Variants in GRM5 observed in about 807,000 individuals in gnomAD.
GRM5 encodes metabotropic glutamate receptor 5.
A neutral mutation model predicts 83.1 loss-of-function variants in GRM5; 19 were observed. The ratio of observed to expected loss-of-function variants is 0.23; its 90% confidence interval spans 0.16 to 0.34. GRM5 has a LOEUF of 0.34. Among genes scored for constraint, GRM5 ranks in the 10% least tolerant of loss-of-function variants. The pLI is 1.00. For missense variants in GRM5, 1,160 were observed against 1,588.3 expected (o/e 0.73, Z 4.58); for synonymous variants, 675 against 633.6 (o/e 1.07, Z -0.98).
intron 9 of GRM5, chr11:88,523,873 A>C (rs903514764): frequency 6.6e-6 from 1 of 152,186 alleles, no homozygotes; most frequent in African/African-American, 2.4e-5. Context: ...AGCAAACAAA[A>C]TGTTTGTGGT....
At chr11:88,842,134 T>C (rs937458463) in intron 3 of GRM5, among the ~76,000 whole-genome samples, 2 of 152,176 alleles carry the variant, frequency 1.3e-5, no homozygotes, top group Non-Finnish European at 2.9e-5. Flanking sequence ...TTGGTGTAGA[T>C]TTTATGGTAG....
intron 2 of GRM5, among the ~76,000 whole-genome samples, chr11:88,992,418 G>T (rs1377570528): frequency 3.3e-5 from 5 of 151,972 alleles, no homozygotes; most frequent in Non-Finnish European, 5.9e-5. Flanking sequence ...CACTGTTGGT[G>T]GGACTGTAAA....
At position 88,669,107 on chromosome 11, in the gene GRM5, T is replaced by C. The variant is rs1033296705; in HGVS notation, c.912-15704A>G. ...TACACCCTCATGTTCATTGCAGCAT[T>C]GTTCACAACAATCAAGATGTAGATA... On this transcript the variant is annotated intron_variant, in intron 3 of 9. Coordinates refer to ENST00000305447, the MANE Select transcript of GRM5 (RefSeq NM_001143831.3). Among the ~76,000 whole-genome samples, 4 of 152,270 alleles carry C rather than the reference T, an allele frequency of 2.6e-5. No individual in the cohort carries two copies. The East Asian group carries it at 7.7e-4, about 29-fold the overall frequency.
chr11:88,567,149 A>G lies in GRM5; in HGVS notation c.2534T>C (p.Met845Thr). 6.2e-7 allele frequency: 1 copy of G among 1,614,030 alleles called. No individual in the cohort carries two copies. The highest frequency in any genetic ancestry group is 8.5e-7 in the Non-Finnish European group (1 of 1,179,908). ...SAFTTSTVVR[M>T]HVGDGKSSSA... ...GGATGACTTGCCATCCCCTACATGCATGCGCACCACGGTAGATGTGGTGAA... is the reference window on the plus strand; with the variant it reads ...GGATGACTTGCCATCCCCTACATGCGTGCGCACCACGGTAGATGTGGTGAA... The change falls in exon 8 of 10, where the codon ATG (methionine) becomes ACG (threonine). Residue 845 changes from methionine (M) to threonine (T), a missense_variant. Transcript: ENST00000305447. This position sits in a 1 kb window ranked among gnomAD's most constrained non-coding sequence, Gnocchi z 7.3.
chr11:89,045,429 C>A (rs1470640625), intron 2 of GRM5, among the ~76,000 whole-genome samples: 2 of 152,004 alleles, frequency 1.3e-5, no homozygotes, highest in Admixed American at 1.3e-4. Context: ...GCATAAAAAC[C>A]CCTTTTAGAA....
chr11:88,700,769 C>T (rs1236195407), intron 3 of GRM5, among the ~76,000 whole-genome samples: 1 of 152,128 alleles, frequency 6.6e-6, no homozygotes, highest in Non-Finnish European at 1.5e-5. Context: ...TGGTCCTACA[C>T]ATTTGGCACC....
intron 1 of GRM5, among the ~76,000 whole-genome samples, chr11:89,055,232 A>G (rs1941848551): frequency 6.6e-6 from 1 of 152,226 alleles, no homozygotes; most frequent in Non-Finnish European, 1.5e-5. Context: ...TGGCACAGCC[A>G]TTTATTGGCG....
intron 3 of GRM5, among the ~76,000 whole-genome samples, chr11:88,668,454 A>G (rs1445663102): frequency 6.6e-6 from 1 of 152,118 alleles, no homozygotes; most frequent in African/African-American, 2.4e-5. Flanking sequence ...ACTTCATTTT[A>G]TAAGTCCAGA....
chr11:89,003,655 C>T (rs1446545377), intron 2 of GRM5, among the ~76,000 whole-genome samples: 10 of 151,118 alleles, frequency 6.6e-5, no homozygotes, highest in Admixed American at 6.6e-4. Context: ...TGCTAAGACC[C>T]CGTCTTTGAA....
At chr11:88,932,800 C>T (rs1590975151) in intron 2 of GRM5, among the ~76,000 whole-genome samples, 1 of 151,844 alleles carries the variant, frequency 6.6e-6, no homozygotes, top group East Asian at 1.9e-4. Flanking sequence ...CTAGACAAAA[C>T]AGTGTAACAT....
chr11:88,866,200 A>G (rs1212540085), intron 2 of GRM5, among the ~76,000 whole-genome samples: 1 of 152,110 alleles, frequency 6.6e-6, no homozygotes, highest in African/African-American at 2.4e-5. Flanking sequence ...TGGCACTTAT[A>G]TACCATGGAA....
At chr11:88,586,861 T>C (rs1162730811) in intron 7 of GRM5, among the ~76,000 whole-genome samples, 2 of 152,182 alleles carry the variant, frequency 1.3e-5, no homozygotes, top group Admixed American at 6.5e-5. Flanking sequence ...CAAATCATTT[T>C]ATTCTTCTGT....
intron 1 of GRM5, among the ~76,000 whole-genome samples, chr11:89,056,363 T>C (rs575625748): frequency 6.6e-5 from 10 of 152,314 alleles, no homozygotes; most frequent in African/African-American, 9.6e-5. Flanking sequence ...CCATTTCTCC[T>C]TGTGGTGAGA....
chr11:89,035,925 T>G (rs1301867946), intron 2 of GRM5, among the ~76,000 whole-genome samples: 4 of 152,060 alleles, frequency 2.6e-5, no homozygotes, highest in Non-Finnish European at 4.4e-5. Context: ...TTGTTTCTAA[T>G]AACGAAGTTT....
rs567531388 is a variant in GRM5, at chr11:88,509,114, C to T, written c.3117G>A (p.Val1039=). The change falls in exon 10 of 10, where the codon GTG becomes GTA. Residue 1039 remains valine (V), a synonymous_variant. Transcript: ENST00000305447. ...AGSASRTDDD[V]PSLHSEPVAR... is the part of the protein sequence containing the mutation. The stretch of plus-strand genomic sequence containing the variant: ...CCACAGGCTCCGAGTGCAGCGACGG[C>T]ACATCGTCGTCCGTGCGGCTGGCCG... 1.9e-5 allele frequency: 30 copies of T among 1,545,972 alleles called. No homozygotes were observed. The South Asian group carries it at 2.6e-4, about 14-fold the overall frequency.
intron 2 of GRM5, chr11:89,008,903 G>A (rs1209614478): frequency 7.8e-6 from 4 of 515,524 alleles, no homozygotes. Context: ...ATTTGCCTCT[G>A]TTATTCCTTT....
At chr11:88,833,784 G>A (rs946572177) in intron 3 of GRM5, among the ~76,000 whole-genome samples, 2 of 152,066 alleles carry the variant, frequency 1.3e-5, no homozygotes, top group African/African-American at 4.8e-5. Context: ...TACTATTAGC[G>A]CATAACAAAT....
intron 7 of GRM5, among the ~76,000 whole-genome samples, chr11:88,574,656 A>G (rs1943069197): frequency 6.6e-6 from 1 of 152,050 alleles, no homozygotes; most frequent in Non-Finnish European, 1.5e-5. Flanking sequence ...AGTCCCAGCT[A>G]CTCAGGAGGC....
intron 2 of GRM5, among the ~76,000 whole-genome samples, chr11:89,016,909 G>T (rs1481413593): frequency 6.6e-6 from 1 of 152,026 alleles, no homozygotes; most frequent in Admixed American, 6.6e-5. Context: ...ATTTTTGATG[G>T]GAGTACATGA....
Sources: allele counts gnomAD v4.1 joint callset (sites outside exome capture counted in the v4.1 genomes callset), GRCh38; gene constraint gnomAD v4.1.1; non-coding constraint Gnocchi (gnomAD v3.1); transcripts MANE v1.5; gene names NCBI Gene and HGNC (gene_info 2026-07-23, HGNC 2026-07-21).